CPS1: variants seen among roughly 807,000 people sequenced by gnomAD.
CPS1 encodes the protein carbamoyl-phosphate synthase 1, also known as carbamoyl-phosphate synthase [ammonia], mitochondrial.
In CPS1, 109 loss-of-function variants were observed where a neutral mutation model predicts 174.6. The ratio of observed to expected loss-of-function variants is 0.62; its 90% confidence interval spans 0.53 to 0.73. CPS1 has a LOEUF of 0.73. Among genes scored for constraint, CPS1 ranks in the 30% least tolerant of loss-of-function variants. The pLI is 0.00. For synonymous variants in CPS1, 637 were observed against 632.0 expected (o/e 1.01, Z -0.12); for missense variants, 1,689 against 1,821.9 (o/e 0.93, Z 1.33).
At chr2:210,558,358 T>TTA (rs1240658923) in intron 1 of CPS1, among the ~76,000 whole-genome samples, 3 of 151,998 alleles carry the variant, frequency 2.0e-5, no homozygotes, top group African/African-American at 7.2e-5. Flanking sequence ...TTATGTCTAG[T>TTA]TATATATATT....
intron 1 of CPS1, among the ~76,000 whole-genome samples, chr2:210,565,004 A>G (rs868430950): frequency 1.7e-4 from 26 of 151,092 alleles, no homozygotes; most frequent in African/African-American, 6.1e-4. Flanking sequence ...AAAAATAAAT[A>G]AATAAAAATA....
At chr2:210,631,261 A>G (rs1699860808) in intron 21 of CPS1, 1 of 152,172 alleles carries the variant, frequency 6.6e-6, no homozygotes, top group Non-Finnish European at 1.5e-5. Context: ...GTCAGCTAAT[A>G]GATTTCCCCA....
chr2:210,596,021 A>G (rs1698470562), intron 13 of CPS1, among the ~76,000 whole-genome samples: 2 of 151,924 alleles, frequency 1.3e-5, no homozygotes, highest in African/African-American at 4.8e-5. Flanking sequence ...TTGGAGAAGC[A>G]AGGGCAACAG....
intron 21 of CPS1, among the ~76,000 whole-genome samples, chr2:210,636,846 A>T (rs1025898912): frequency 2.0e-5 from 3 of 152,224 alleles, no homozygotes; most frequent in Non-Finnish European, 2.9e-5. Flanking sequence ...TGAGAGAAAC[A>T]ACACAAATAA....
At chr2:210,623,807 T>G (rs1184681520) in intron 21 of CPS1, among the ~76,000 whole-genome samples, 1 of 152,164 alleles carries the variant, frequency 6.6e-6, no homozygotes, top group African/African-American at 2.4e-5. Flanking sequence ...CTATTGACTT[T>G]TTATTTAACT....
At chr2:210,527,768 C>G (rs1421325521) in intron 1 of CPS1, among the ~76,000 whole-genome samples, 1 of 151,718 alleles carries the variant, frequency 6.6e-6, no homozygotes, top group East Asian at 1.9e-4. Context: ...TACTTCATTA[C>G]CTAATATATT....
intron 1 of CPS1, among the ~76,000 whole-genome samples, chr2:210,531,478 C>T (rs987671961): frequency 6.6e-6 from 1 of 152,072 alleles, no homozygotes; most frequent in African/African-American, 2.4e-5. Flanking sequence ...TTTAATGAGG[C>T]AATCCAACCC....
chr2:210,608,573 T>G lies in CPS1; in HGVS notation c.2391+14T>G. On this transcript the variant is annotated intron_variant, in intron 19 of 37. Coordinates refer to ENST00000233072, the MANE Select transcript of CPS1 (RefSeq NM_001875.5). Reference sequence around the variant, plus strand: ...AGTGTAGGAGAGGTGAGTCCTTGGTTTATTACGCTTTTCTTCTTGTTCTCA... The same window carrying G: ...AGTGTAGGAGAGGTGAGTCCTTGGTGTATTACGCTTTTCTTCTTGTTCTCA... 6.2e-7 allele frequency: 1 copy of G among 1,608,742 alleles called. No homozygotes were observed. The highest frequency in any genetic ancestry group is 1.3e-5 in the African/African-American group (1 of 74,788).
chr2:210,613,531 A>G (rs1422094578), intron 20 of CPS1, among the ~76,000 whole-genome samples: 2 of 151,564 alleles, frequency 1.3e-5, no homozygotes, highest in Admixed American at 1.3e-4. Context: ...TCAGTCTTTT[A>G]TTTAAGAAGC....
intron 16 of CPS1, chr2:210,604,867 C>G: frequency 1.9e-6 from 1 of 521,114 alleles, no homozygotes; most frequent in Middle Eastern, 5.3e-4. Flanking sequence ...ACTGTCATAT[C>G]AGCACTTTGA....
At chr2:210,512,433 C>G (rs1370542191) in intron 1 of CPS1, among the ~76,000 whole-genome samples, 1 of 151,900 alleles carries the variant, frequency 6.6e-6, no homozygotes, top group Non-Finnish European at 1.5e-5. Context: ...TTAGCTCCCA[C>G]TTAAAAGTAA....
intron 1 of CPS1, among the ~76,000 whole-genome samples, chr2:210,542,354 C>T (rs11899763): frequency 2.5e-3 from 385 of 152,202 alleles, no homozygotes; most frequent in African/African-American, 9.0e-3. Flanking sequence ...ACAGCATGAT[C>T]TTACTCTTCA....
chr2:210,630,038 A>C (rs1192044782), intron 21 of CPS1, among the ~76,000 whole-genome samples: 8 of 151,458 alleles, frequency 5.3e-5, no homozygotes, highest in African/African-American at 1.5e-4. Context: ...CTGCCACTGC[A>C]CTCCAGCCTG....
At chr2:210,595,362 C>T in intron 12 of CPS1, 125 bp from the exon 13 acceptor site, 1 of 719,628 alleles carries the variant, frequency 1.4e-6, no homozygotes. Context: ...ACATATTTTT[C>T]ATTACATTAG....
At chr2:210,662,796 C>A (rs1351988851) in intron 32 of CPS1, among the ~76,000 whole-genome samples, 1 of 152,184 alleles carries the variant, frequency 6.6e-6, no homozygotes, top group Non-Finnish European at 1.5e-5. Flanking sequence ...GAGACCAATG[C>A]CCAGTGGACT....
intron 28 of CPS1, among the ~76,000 whole-genome samples, chr2:210,652,939 A>G (rs1377266950): frequency 6.6e-6 from 1 of 152,246 alleles, no homozygotes; most frequent in East Asian, 1.9e-4. Flanking sequence ...AATGAGCTGA[A>G]GAAAGAAGCA....
At chr2:210,577,161 A>G (rs1331822744) in intron 3 of CPS1, 3 of 510,186 alleles carry the variant, frequency 5.9e-6, no homozygotes, top group Non-Finnish European at 7.1e-6. Flanking sequence ...GATAAATGCC[A>G]TGCATGTCAG....
chr2:210,495,457 A>T (rs1162037058), intron 1 of CPS1, among the ~76,000 whole-genome samples: 1 of 152,216 alleles, frequency 6.6e-6, no homozygotes, highest in African/African-American at 2.4e-5. Context: ...TGATGTCTAA[A>T]TTAATGCAAA....
At chr2:210,548,092 A>G (rs1405140772) in intron 1 of CPS1, among the ~76,000 whole-genome samples, 1 of 152,064 alleles carries the variant, frequency 6.6e-6, no homozygotes, top group Non-Finnish European at 1.5e-5. Flanking sequence ...TTTAGCACAA[A>G]TATTCTAATG....
Sources: allele counts gnomAD v4.1 joint callset (sites outside exome capture counted in the v4.1 genomes callset), GRCh38; gene constraint gnomAD v4.1.1; transcripts MANE v1.5; gene names NCBI Gene and HGNC (gene_info 2026-07-23, HGNC 2026-07-21).